FRMPD4: variants seen among roughly 807,000 people sequenced by gnomAD.
FRMPD4 encodes FERM and PDZ domain containing 4.
A neutral mutation model predicts 94.1 loss-of-function variants in FRMPD4; 22 were observed. The observed-to-expected ratio is 0.23, with a 90% CI of 0.17 to 0.33. The LOEUF is 0.33. FRMPD4 is among the 10% of genes least tolerant of loss of function. The pLI, the probability that FRMPD4 is intolerant of heterozygous loss-of-function variation, is 1.00. For synonymous variants in FRMPD4, 631 were observed against 548.6 expected, an observed-to-expected ratio of 1.15 and a Z score of -2.10; for missense variants, 1,111 against 1,339.9, an observed-to-expected ratio of 0.83 and a Z score of 2.67.
chrX:12,012,732 A>T (rs1211166940), intron 3 of FRMPD4, among the ~76,000 whole-genome samples: 1 of 112,697 alleles, frequency 8.9e-6, no homozygotes, highest in Non-Finnish European at 1.9e-5. Flanking sequence ...TCTTGGGAGA[A>T]GAACTATATA....
At chrX:12,025,039 T>C (rs943244082) in intron 3 of FRMPD4, among the ~76,000 whole-genome samples, 1 of 105,593 alleles carries the variant, frequency 9.5e-6, no homozygotes, top group Non-Finnish European at 1.9e-5. Flanking sequence ...TGACCATCTT[T>C]TATTGTACAA....
intron 1 of FRMPD4, among the ~76,000 whole-genome samples, chrX:12,450,948 T>C (rs2057262109): frequency 9.3e-6 from 1 of 107,610 alleles, no homozygotes; most frequent in Non-Finnish European, 1.9e-5. Context: ...CCTCATCTTA[T>C]TCAGGAAAAA....
At chrX:12,423,976 A>C (rs1019087856) in intron 1 of FRMPD4, among the ~76,000 whole-genome samples, 3 of 112,479 alleles carry the variant, frequency 2.7e-5, no homozygotes, top group South Asian at 3.7e-4. Context: ...AACAAAAAAA[A>C]CAGAAAAGAA....
At chrX:11,880,839 C>A (rs1260909134) in intron 3 of FRMPD4, among the ~76,000 whole-genome samples, 1 of 111,381 alleles carries the variant, frequency 9.0e-6, no homozygotes, top group East Asian at 2.8e-4. Context: ...GATGGGGTTT[C>A]ACCATGTTGG....
At chrX:12,244,937 CCTT>C (rs1289194581) in intron 1 of FRMPD4, among the ~76,000 whole-genome samples, 1 of 112,377 alleles carries the variant, frequency 8.9e-6, no homozygotes, top group Non-Finnish European at 1.9e-5. Flanking sequence ...GAGGCAGTCT[CCTT>C]CTGCCACACC....
At position 12,380,106 on chromosome X, in the gene FRMPD4, AC is replaced by A. The variant is rs2056299178; in HGVS notation, c.42-118573del. The stretch of plus-strand genomic sequence containing the variant: ...AGGAAAAATGATTTTGTTTGATGAC[AC>A]ATTCTTCAATTGTTCTGAGCCTATA... On this transcript the variant is annotated intron_variant, in intron 1 of 16. Coordinates refer to ENST00000675598, the MANE Select transcript of FRMPD4 (RefSeq NM_001368397.1). Among the ~76,000 whole-genome samples, 6 of 111,915 alleles carry A rather than the reference AC, an allele frequency of 5.4e-5. No homozygotes were observed. In the South Asian group the frequency reaches 2.3e-3, roughly 42 times the overall value.
At chrX:12,585,006 C>T (rs757496290) in intron 2 of FRMPD4, among the ~76,000 whole-genome samples, 2 of 111,167 alleles carry the variant, frequency 1.8e-5, no homozygotes, top group Non-Finnish European at 3.8e-5. Flanking sequence ...CTGCAACCTC[C>T]GCCTTCCGAG....
intron 3 of FRMPD4, among the ~76,000 whole-genome samples, chrX:11,942,797 A>T (rs2054168195): frequency 8.9e-6 from 1 of 111,970 alleles, no homozygotes; most frequent in Non-Finnish European, 1.9e-5. Flanking sequence ...AGCACTAGCT[A>T]GTTCAATAAC....
intron 1 of FRMPD4, among the ~76,000 whole-genome samples, chrX:12,147,274 C>T (rs1236470089): frequency 8.9e-6 from 1 of 112,277 alleles, no homozygotes. Flanking sequence ...AAGTAACTTG[C>T]TTTGGCCAGT....
At chrX:12,484,021 G>A (rs777054860) in intron 1 of FRMPD4, among the ~76,000 whole-genome samples, 2 of 111,423 alleles carry the variant, frequency 1.8e-5, no homozygotes, top group East Asian at 5.6e-4. Flanking sequence ...TGCAGGGCTG[G>A]TATAATGACA....
chrX:12,258,646 G>A (rs973809525), intron 1 of FRMPD4, among the ~76,000 whole-genome samples: 1 of 111,244 alleles, frequency 9.0e-6, no homozygotes, highest in Non-Finnish European at 1.9e-5. Context: ...TAGATCTCCT[G>A]TATTTTTTTC....
intron 1 of FRMPD4, among the ~76,000 whole-genome samples, chrX:12,215,468 T>C (rs2056797562): frequency 8.9e-6 from 1 of 111,995 alleles, no homozygotes. Flanking sequence ...CTTCTCTTTC[T>C]GTTGTTACTC....
chrX:12,107,727 A>T (rs922238511), intron 3 of FRMPD4, among the ~76,000 whole-genome samples: 10 of 111,692 alleles, frequency 9.0e-5, no homozygotes, highest in African/African-American at 3.3e-4. Context: ...AAGTCCTTAA[A>T]TGACCTGATG....
At chrX:12,272,818 C>T (rs997686308) in intron 1 of FRMPD4, among the ~76,000 whole-genome samples, 8 of 111,610 alleles carry the variant, frequency 7.2e-5, no homozygotes, top group Admixed American at 9.5e-5. Flanking sequence ...ACCTGTAATC[C>T]TAACACTTTG....
Position 12,709,279 on chromosome X carries a change from T to C in FRMPD4, c.1471-1120T>C, listed in dbSNP as rs777844681. Among the ~76,000 whole-genome samples the C allele has an allele frequency of 1.5e-3, 172 of 111,468 alleles. 1 individual carries two copies. Among genetic ancestry groups the C allele is most frequent in the African/African-American group, 5.3e-3 (162 of 30,674 alleles). On this transcript the variant is annotated intron_variant, in intron 13 of 16. Coordinates refer to ENST00000675598, the MANE Select transcript of FRMPD4 (RefSeq NM_001368397.1). ...CTGAATCCGCCCAGTGTCCTATACC[T>C]AGGAGTGAAAGCAAGAGGCCTGCTG...
intron 9 of FRMPD4, among the ~76,000 whole-genome samples, chrX:12,697,053 T>C (rs2060140542): frequency 8.9e-6 from 1 of 112,496 alleles, no homozygotes; most frequent in African/African-American, 3.2e-5. Context: ...GGATGATTAA[T>C]GTTCATGAAG....
At chrX:11,916,556 C>G (rs2054026110) in intron 3 of FRMPD4, among the ~76,000 whole-genome samples, 1 of 110,884 alleles carries the variant, frequency 9.0e-6, no homozygotes, top group African/African-American at 3.3e-5. Context: ...AGAGGGGATT[C>G]AAAGATTTGG....
intron 2 of FRMPD4, among the ~76,000 whole-genome samples, chrX:12,600,442 C>A (rs1348514965): frequency 8.9e-6 from 1 of 112,457 alleles, no homozygotes; most frequent in Non-Finnish European, 1.9e-5. Flanking sequence ...CAGTTTTTAT[C>A]TATGCATATT....
chrX:12,288,634 C>G (rs2054637198), intron 1 of FRMPD4, among the ~76,000 whole-genome samples: 1 of 111,475 alleles, frequency 9.0e-6, no homozygotes, highest in African/African-American at 3.3e-5. Flanking sequence ...ACAGAATTTC[C>G]CTGCCTTTTT....
Sources: allele counts gnomAD v4.1 joint callset (sites outside exome capture counted in the v4.1 genomes callset), GRCh38; gene constraint gnomAD v4.1.1; transcripts MANE v1.5; gene names NCBI Gene and HGNC (gene_info 2026-07-23, HGNC 2026-07-21).